Variants in AKAP13 observed in about 807,000 individuals in gnomAD.
AKAP13 encodes A-kinase anchor protein 13.
A neutral mutation model predicts 264.5 loss-of-function variants in AKAP13; 80 were observed. The observed-to-expected ratio is 0.30, with a 90% CI of 0.25 to 0.36. The LOEUF (loss-of-function observed/expected upper bound fraction) is 0.36, where lower values mean the gene tolerates loss of function less well. Ranked by LOEUF, AKAP13 falls within the 10% of genes least tolerant of loss-of-function variation. The pLI, the probability that AKAP13 is intolerant of heterozygous loss-of-function variation, is 1.00. For synonymous variants in AKAP13, 1,380 were observed against 1,250.2 expected (o/e 1.10, Z -2.19); for missense variants, 3,712 against 3,435.2 (o/e 1.08, Z -2.01).
At chr15:85,449,544 T>A (rs929222360) in intron 1 of AKAP13, among the ~76,000 whole-genome samples, 3 of 152,190 alleles carry the variant, frequency 2.0e-5, no homozygotes, top group African/African-American at 7.2e-5. Context: ...TTCAGTATGA[T>A]GTTGGCTGTG....
intron 17 of AKAP13, among the ~76,000 whole-genome samples, chr15:85,697,687 T>C (rs2085644440): frequency 6.6e-6 from 1 of 152,168 alleles, no homozygotes; most frequent in South Asian, 2.1e-4. Flanking sequence ...AGCATGGAAA[T>C]AGTCATTGAA....
intron 1 of AKAP13, among the ~76,000 whole-genome samples, chr15:85,420,029 C>A (rs1037000411): frequency 1.9e-4 from 29 of 150,280 alleles, no homozygotes; most frequent in African/African-American, 6.8e-4. Flanking sequence ...GCAAGCTCCG[C>A]CTCCCGGGTT....
chr15:85,513,002 A>G (rs1013025026), intron 2 of AKAP13, among the ~76,000 whole-genome samples: 3 of 151,904 alleles, frequency 2.0e-5, no homozygotes, highest in Non-Finnish European at 1.5e-5. Context: ...GACTACAGGC[A>G]CCCACCACCA....
chr15:85,501,655 CTA>C (rs1222724818), intron 2 of AKAP13, among the ~76,000 whole-genome samples: 1 of 152,144 alleles, frequency 6.6e-6, no homozygotes, highest in Non-Finnish European at 1.5e-5. Flanking sequence ...CATGAGATAA[CTA>C]TTTTTTTTCT....
chr15:85,538,034 G>C (rs1487607975), intron 4 of AKAP13, among the ~76,000 whole-genome samples: 1 of 152,168 alleles, frequency 6.6e-6, no homozygotes, highest in Non-Finnish European at 1.5e-5. Context: ...GGCGTGAATG[G>C]TGGGGTAAGG....
At chr15:85,382,775 C>G (rs1465047522) in intron 1 of AKAP13, among the ~76,000 whole-genome samples, 1 of 152,204 alleles carries the variant, frequency 6.6e-6, no homozygotes, top group African/African-American at 2.4e-5. Flanking sequence ...TTTTTACCCT[C>G]TTTGCCGGTA....
intron 3 of AKAP13, among the ~76,000 whole-genome samples, chr15:85,530,078 A>C (rs2077198455): frequency 6.6e-6 from 1 of 152,192 alleles, no homozygotes. Context: ...AGCTGACAGT[A>C]GCTCACACAT....
chr15:85,407,262 CT>C (rs2071715555), intron 1 of AKAP13, among the ~76,000 whole-genome samples: 1 of 147,042 alleles, frequency 6.8e-6, no homozygotes, highest in Admixed American at 6.7e-5. Flanking sequence ...GAGTCTTGCT[CT>C]GTCACCCAGG....
intron 2 of AKAP13, among the ~76,000 whole-genome samples, chr15:85,490,782 C>T (rs1016023614): frequency 1.9e-4 from 29 of 152,142 alleles, no homozygotes; most frequent in African/African-American, 6.8e-4. Flanking sequence ...AACAGAAGGT[C>T]CCTGCTCTCC....
intron 8 of AKAP13, among the ~76,000 whole-genome samples, chr15:85,611,951 T>C (rs770559064): frequency 1.3e-5 from 2 of 152,348 alleles, no homozygotes; most frequent in Non-Finnish European, 2.9e-5. Flanking sequence ...ATTAGTAATA[T>C]ACTGTAAGGG....
chr15:85,533,721 G>A lies in AKAP13; in HGVS notation c.319G>A (p.Ala107Thr). Residue 107 changes from alanine (A) to threonine (T), a missense_variant, in exon 4 of 37, where the codon GCT becomes ACT. Physicochemically the swap from Ala to Thr is moderately conservative, Grantham distance 58 (BLOSUM62 0). Transcript: ENST00000394518. ...YDAAQFLATS[A>T]GNQQALNFTR... is the part of the protein sequence containing the mutation. Reference sequence around the variant, plus strand: ...TGCAGCTCAATTCCTAGCAACCAGTGCTGGAAATCAGCAGGCTTTGAACTT... The same window carrying A: ...TGCAGCTCAATTCCTAGCAACCAGTACTGGAAATCAGCAGGCTTTGAACTT... 6.2e-7 allele frequency: 1 copy of A among 1,614,196 alleles called. No individual in the cohort carries two copies. The highest frequency in any genetic ancestry group is 8.5e-7 in the Non-Finnish European group (1 of 1,180,034).
At chr15:85,714,891 C>T (rs906677515) in intron 19 of AKAP13, among the ~76,000 whole-genome samples, 3 of 152,044 alleles carry the variant, frequency 2.0e-5, no homozygotes, top group Non-Finnish European at 2.9e-5. Flanking sequence ...GGCATGAACC[C>T]AGGAGGCGGA....
intron 1 of AKAP13, among the ~76,000 whole-genome samples, chr15:85,429,807 A>G (rs896771818): frequency 6.6e-6 from 1 of 152,228 alleles, no homozygotes; most frequent in African/African-American, 2.4e-5. Context: ...GCTGATATGC[A>G]CTGGGATTTA....
intron 1 of AKAP13, chr15:85,415,325 A>T: frequency 6.3e-7 from 1 of 1,578,368 alleles, no homozygotes; most frequent in Non-Finnish European, 8.7e-7. Flanking sequence ...TAGCTTTGCG[A>T]AAAATGGACA....
chr15:85,647,026 T>C (rs1409168782), intron 10 of AKAP13, among the ~76,000 whole-genome samples: 1 of 152,226 alleles, frequency 6.6e-6, no homozygotes, highest in Non-Finnish European at 1.5e-5. Context: ...AGTTTTATAA[T>C]GAGCTCGGAG....
chr15:85,444,835 C>G (rs1053049837), intron 1 of AKAP13, among the ~76,000 whole-genome samples: 1 of 152,268 alleles, frequency 6.6e-6, no homozygotes, highest in African/African-American at 2.4e-5. Flanking sequence ...GAGGCTTTCT[C>G]TCCTAGCCCC....
intron 2 of AKAP13, among the ~76,000 whole-genome samples, chr15:85,511,574 C>G (rs909309203): frequency 6.6e-6 from 1 of 152,168 alleles, no homozygotes; most frequent in Non-Finnish European, 1.5e-5. Flanking sequence ...CTTAATTCTG[C>G]TTGAGGCTTA....
chr15:85,524,734 G>A (rs2076958459), intron 3 of AKAP13, among the ~76,000 whole-genome samples: 1 of 151,986 alleles, frequency 6.6e-6, no homozygotes, highest in Admixed American at 6.6e-5. Context: ...TTTGACTTCG[G>A]ATATTGAAAT....
At chr15:85,671,455 A>AAAAG (rs1324018829) in intron 14 of AKAP13, among the ~76,000 whole-genome samples, 6 of 134,246 alleles carry the variant, frequency 4.5e-5, no homozygotes, top group South Asian at 2.3e-4. Flanking sequence ...AAAAAAAAAA[A>AAAAG]AAAGAGAGAG....
Sources: gnomAD v4.1 joint callset for allele counts (sites outside exome capture counted in the v4.1 genomes callset) on GRCh38, gnomAD v4.1.1 for gene constraint, MANE v1.5 for transcripts, NCBI Gene and HGNC (gene_info 2026-07-23, HGNC 2026-07-21) for gene names.